Variants in BMPR1A observed in about 807,000 individuals in gnomAD.
The protein encoded by BMPR1A is bone morphogenetic protein receptor type-1A.
A neutral mutation model predicts 66.0 loss-of-function variants in BMPR1A; 7 were observed. The observed-to-expected ratio is 0.11, with a 90% CI of 0.06 to 0.20. The LOEUF is 0.20. Among genes scored for constraint, BMPR1A ranks in the 10% least tolerant of loss-of-function variants. BMPR1A has a pLI of 1.00. For missense variants in BMPR1A, 408 were observed against 669.1 expected, an observed-to-expected ratio of 0.61 and a Z score of 4.31; for synonymous variants, 200 against 229.7, an observed-to-expected ratio of 0.87 and a Z score of 1.17.
chr10:86,779,948 C>T (rs925567470), intron 1 of BMPR1A, among the ~76,000 whole-genome samples: 12 of 152,138 alleles, frequency 7.9e-5, no homozygotes, highest in Admixed American at 6.5e-4. Context: ...CCTTGTCACC[C>T]AGGCCAGAAT....
chr10:86,910,491 C>A (rs1406247829), intron 7 of BMPR1A, among the ~76,000 whole-genome samples: 2 of 152,172 alleles, frequency 1.3e-5, no homozygotes, highest in East Asian at 3.8e-4. Context: ...TGCAGAACGG[C>A]ATCAGTGTCT....
chr10:86,802,978 C>T (rs12245512), intron 1 of BMPR1A, among the ~76,000 whole-genome samples: 1,731 of 129,806 alleles, frequency 0.013, 30 homozygotes, highest in African/African-American at 0.049. Context: ...GCACTCTAGC[C>T]TGGGCGACAG....
At chr10:86,875,323 A>AT (rs1842907405) in intron 2 of BMPR1A, among the ~76,000 whole-genome samples, 1 of 148,334 alleles carries the variant, frequency 6.7e-6, no homozygotes, top group South Asian at 2.2e-4. Flanking sequence ...CAGTGAGTCG[A>AT]GATGGTGCCA....
intron 1 of BMPR1A, among the ~76,000 whole-genome samples, chr10:86,786,719 T>C (rs1192588381): frequency 6.6e-6 from 1 of 152,244 alleles, no homozygotes; most frequent in Non-Finnish European, 1.5e-5. Flanking sequence ...ATCTCCAGCC[T>C]GAGCCGCTTC....
At chr10:86,915,062 A>G (rs1399976190) in intron 8 of BMPR1A, among the ~76,000 whole-genome samples, 1 of 152,256 alleles carries the variant, frequency 6.6e-6, no homozygotes, top group Non-Finnish European at 1.5e-5. Context: ...TAGCAGCAAC[A>G]GTGGGTGAAT....
chr10:86,834,908 G>A (rs1209666017), intron 1 of BMPR1A, among the ~76,000 whole-genome samples: 1 of 151,836 alleles, frequency 6.6e-6, no homozygotes, highest in African/African-American at 2.4e-5. Flanking sequence ...TATAGTGTTT[G>A]CAGTATTTGT....
At chr10:86,822,371 T>G (rs118035848) in intron 1 of BMPR1A, among the ~76,000 whole-genome samples, 4,297 of 152,318 alleles carry the variant, frequency 0.028, 91 homozygotes, top group Non-Finnish European at 0.041. Flanking sequence ...AAGATATAAT[T>G]CACATACCAT....
rs55763614 is a variant in BMPR1A, at chr10:86,921,701, A to C, written c.1342+6A>C. 1.9e-6 allele frequency: 3 copies of C among 1,614,160 alleles called. No individual in the cohort carries two copies. On this transcript the variant is annotated splice_donor_region_variant and intron_variant, in intron 11 of 12. Transcript: ENST00000372037. ...TCGTCGTTGTATCACAGGAGGTGGG[A>C]GTTTGAGTAGTTTCTGATTATGTTG...
chr10:86,797,983 T>C (rs569543662), intron 1 of BMPR1A, among the ~76,000 whole-genome samples: 90 of 152,204 alleles, frequency 5.9e-4, no homozygotes, highest in African/African-American at 2.1e-3. Context: ...TTAGGAGAGA[T>C]TTTTGAATCT....
intron 2 of BMPR1A, chr10:86,856,116 A>C: frequency 1.9e-6 from 1 of 523,146 alleles, no homozygotes; most frequent in South Asian, 1.5e-5. Context: ...CATAGACTTT[A>C]TTGGTTTTGA....
At chr10:86,868,759 G>T (rs1174636378) in intron 2 of BMPR1A, among the ~76,000 whole-genome samples, 1 of 143,202 alleles carries the variant, frequency 7.0e-6, no homozygotes, top group East Asian at 2.0e-4. Context: ...TTTTTCAACT[G>T]ACTTCAGCCT....
chr10:86,769,366 A>G (rs1841214468), intron 1 of BMPR1A, among the ~76,000 whole-genome samples: 1 of 152,206 alleles, frequency 6.6e-6, no homozygotes, highest in South Asian at 2.1e-4. Context: ...TTATGAGAAT[A>G]ATGTGCTATG....
At chr10:86,825,080 C>CTT (rs35280609) in intron 1 of BMPR1A, among the ~76,000 whole-genome samples, 53 of 144,462 alleles carry the variant, frequency 3.7e-4, no homozygotes, top group Admixed American at 6.9e-4. Context: ...AAATGACATT[C>CTT]TTTTTTTTTT....
chr10:86,873,606 G>A (rs1842880713), intron 2 of BMPR1A, among the ~76,000 whole-genome samples: 2 of 152,250 alleles, frequency 1.3e-5, no homozygotes, highest in South Asian at 4.1e-4. Flanking sequence ...AAAGGTGTGG[G>A]TTTGATTTAG....
At chr10:86,765,846 T>C (rs1841152979) in intron 1 of BMPR1A, among the ~76,000 whole-genome samples, 1 of 151,990 alleles carries the variant, frequency 6.6e-6, no homozygotes, top group Non-Finnish European at 1.5e-5. Flanking sequence ...CTAGAAAAAA[T>C]TTTCTTTTCT....
intron 1 of BMPR1A, among the ~76,000 whole-genome samples, chr10:86,831,980 G>A (rs1842274209): frequency 6.6e-6 from 1 of 152,116 alleles, no homozygotes; most frequent in African/African-American, 2.4e-5. Flanking sequence ...CAAGTTTTTT[G>A]TAAAGATGAT....
At chr10:86,844,230 G>A (rs1051820815) in intron 2 of BMPR1A, among the ~76,000 whole-genome samples, 1 of 152,134 alleles carries the variant, frequency 6.6e-6, no homozygotes, top group Non-Finnish European at 1.5e-5. Context: ...AGCAAAGTAT[G>A]ACCTCTTTTA....
At chr10:86,793,320 C>T (rs1841658205) in intron 1 of BMPR1A, among the ~76,000 whole-genome samples, 1 of 150,964 alleles carries the variant, frequency 6.6e-6, no homozygotes, top group African/African-American at 2.4e-5. Context: ...TTTATTTCAT[C>T]TGTACTGGAG....
intron 1 of BMPR1A, among the ~76,000 whole-genome samples, chr10:86,826,436 A>ACACACACG (rs1221515934): frequency 6.6e-6 from 1 of 151,766 alleles, no homozygotes; most frequent in East Asian, 1.9e-4. Context: ...ACACACACAC[A>ACACACACG]CACACCCGCT....
Sources: gnomAD v4.1 joint callset for allele counts (sites outside exome capture counted in the v4.1 genomes callset) on GRCh38, gnomAD v4.1.1 for gene constraint, MANE v1.5 for transcripts, NCBI Gene and HGNC (gene_info 2026-07-23, HGNC 2026-07-21) for gene names.